The following GALNT13 variants were observed in gnomAD, a reference collection of about 807,000 sequenced individuals.
GALNT13 encodes UDP-GalNAc:polypeptide N-acetylgalactosaminyltransferase 13.
Under a neutral mutation model 64.2 loss-of-function variants are expected in GALNT13, and 28 were observed. The ratio of observed to expected loss-of-function variants is 0.44; its 90% CI spans 0.32 to 0.60. The LOEUF (loss-of-function observed/expected upper bound fraction) is 0.60, where lower values mean the gene tolerates loss of function less well. Among genes scored for constraint, GALNT13 ranks in the 20% least tolerant of loss-of-function variants. GALNT13 has a pLI of 0.05. For synonymous variants in GALNT13, 214 were observed against 224.6 expected (o/e 0.95, Z 0.42); for missense variants, 577 against 669.8 (o/e 0.86, Z 1.53).
the GALNT13 span, among the ~76,000 whole-genome samples, chr2:153,691,963 T>C: frequency 6.6e-6 from 1 of 152,102 alleles, no homozygotes; most frequent in African/African-American, 2.4e-5. Context: ...TGGGTAAAGA[T>C]GGAAACAGCC....
intron 3 of GALNT13, among the ~76,000 whole-genome samples, chr2:154,001,308 G>T (rs1412615481): frequency 6.6e-6 from 1 of 151,286 alleles, no homozygotes; most frequent in African/African-American, 2.4e-5. Flanking sequence ...GATAGGTAAG[G>T]GTTTATTACT....
chr2:153,573,077 C>G, the GALNT13 span, among the ~76,000 whole-genome samples: 15 of 152,020 alleles, frequency 9.9e-5, no homozygotes, highest in African/African-American at 3.6e-4. Context: ...TGGTTTATAT[C>G]TCTCTTAAGC....
intron 4 of GALNT13, among the ~76,000 whole-genome samples, chr2:154,176,522 G>T (rs559105081): frequency 1.3e-5 from 2 of 152,016 alleles, no homozygotes; most frequent in East Asian, 3.9e-4. Flanking sequence ...AAAGTGCTGG[G>T]ATTACAGGCT....
At chr2:153,898,241 G>T (rs943534088) in intron 1 of GALNT13, among the ~76,000 whole-genome samples, 1 of 152,064 alleles carries the variant, frequency 6.6e-6, no homozygotes, top group African/African-American at 2.4e-5. Flanking sequence ...ACTTGGATTT[G>T]TGTGTTTTAA....
At chr2:153,930,363 G>C (rs1320969268) in intron 2 of GALNT13, among the ~76,000 whole-genome samples, 1 of 152,070 alleles carries the variant, frequency 6.6e-6, no homozygotes, top group East Asian at 1.9e-4. Context: ...TTTTGTTTTT[G>C]TTGCAATTGC....
At chr2:153,610,432 T>C in the GALNT13 span, among the ~76,000 whole-genome samples, 2 of 152,174 alleles carry the variant, frequency 1.3e-5, no homozygotes, top group African/African-American at 4.8e-5. Context: ...CCCAGCACTT[T>C]GGGAGGCCAA....
At chr2:153,750,339 T>C in the GALNT13 span, among the ~76,000 whole-genome samples, 53 of 152,022 alleles carry the variant, frequency 3.5e-4, no homozygotes, top group Non-Finnish European at 2.9e-4. Context: ...ACTGGCCTCA[T>C]AGAATGAGTT....
chr2:153,464,928 C>T, the GALNT13 span, among the ~76,000 whole-genome samples: 1 of 152,070 alleles, frequency 6.6e-6, no homozygotes, highest in African/African-American at 2.4e-5. Flanking sequence ...TAGTTACATA[C>T]TGGAAGATGC....
the GALNT13 span, among the ~76,000 whole-genome samples, chr2:153,326,440 A>G: frequency 2.6e-5 from 4 of 151,898 alleles, 1 homozygote; most frequent in Admixed American, 1.3e-4. Flanking sequence ...TGTTTATCCA[A>G]TTTGCCAGTC....
chr2:153,917,415 A>T (rs902281132), intron 2 of GALNT13, among the ~76,000 whole-genome samples: 2 of 152,110 alleles, frequency 1.3e-5, no homozygotes, highest in African/African-American at 4.8e-5. Flanking sequence ...TTCCCCATCA[A>T]TAACCTTCTG....
chr2:154,150,908 G>T (rs1165695982), intron 4 of GALNT13, among the ~76,000 whole-genome samples: 1 of 152,042 alleles, frequency 6.6e-6, no homozygotes, highest in African/African-American at 2.4e-5. Flanking sequence ...TTTTTGAAGG[G>T]TTTTTTGTGT....
At chr2:154,010,338 A>G (rs756880131) in intron 3 of GALNT13, among the ~76,000 whole-genome samples, 20 of 152,206 alleles carry the variant, frequency 1.3e-4, no homozygotes, top group Non-Finnish European at 2.5e-4. Flanking sequence ...TTCCGTGTCT[A>G]TTGAGATGAA....
the GALNT13 span, among the ~76,000 whole-genome samples, chr2:153,651,376 A>T: frequency 1.4e-4 from 21 of 152,306 alleles, no homozygotes; most frequent in African/African-American, 5.0e-4. Context: ...ACCTAATTAT[A>T]TGGAGCAACT....
At position 154,052,496 on chromosome 2, in the gene GALNT13, T is replaced by C. The variant is rs77603493; in HGVS notation, c.143-87841T>C. Among the ~76,000 whole-genome samples, 425 of 152,274 alleles carry C rather than the reference T, an allele frequency of 2.8e-3. 5 individuals carry two copies. In the East Asian group the frequency reaches 0.045, roughly 16 times the overall value. On this transcript the variant is annotated intron_variant, in intron 3 of 12. Transcript: ENST00000392825. ...CTGTCTTAGAATTTTGTGTTTCTTT[T>C]ACTATTTTTTTTCATTTTTCATTGA...
the GALNT13 span, among the ~76,000 whole-genome samples, chr2:153,816,640 TA>T: frequency 6.6e-6 from 1 of 152,002 alleles, no homozygotes; most frequent in African/African-American, 2.4e-5. Context: ...CATAGATAGA[TA>T]GATAGATTAT....
At chr2:153,588,642 G>A in the GALNT13 span, among the ~76,000 whole-genome samples, 1,898 of 152,302 alleles carry the variant, frequency 0.012, 37 homozygotes, top group African/African-American at 0.043. Flanking sequence ...GAGCTGCCTT[G>A]AAGCTGCCCT....
the GALNT13 span, among the ~76,000 whole-genome samples, chr2:153,305,176 G>A: frequency 1.3e-5 from 2 of 152,042 alleles, no homozygotes; most frequent in African/African-American, 4.8e-5. Context: ...GTATTGTGGT[G>A]TCCTGTGGGT....
chr2:153,789,756 A>G, the GALNT13 span, among the ~76,000 whole-genome samples: 3 of 152,160 alleles, frequency 2.0e-5, no homozygotes, highest in Admixed American at 2.0e-4. Context: ...AGATTTTACC[A>G]CTAACCCCCC....
At chr2:153,839,204 T>A in the GALNT13 span, among the ~76,000 whole-genome samples, 1 of 152,040 alleles carries the variant, frequency 6.6e-6, no homozygotes, top group East Asian at 1.9e-4. Flanking sequence ...AATCATGTCA[T>A]GAGCAGAGAG....
Sources: allele counts gnomAD v4.1 joint callset (sites outside exome capture counted in the v4.1 genomes callset), GRCh38; gene constraint gnomAD v4.1.1; transcripts MANE v1.5; gene names NCBI Gene and HGNC (gene_info 2026-07-23, HGNC 2026-07-21).